Variants in ROR1 observed in about 807,000 individuals in gnomAD.
ROR1 encodes the protein ROR family WNT receptor 1.
ROR1 carries 19 observed loss-of-function variants against 78.8 expected under a neutral mutation model. That is an observed-to-expected ratio of 0.24 (90% CI 0.17 to 0.35). The LOEUF is 0.35. Ranked by LOEUF, ROR1 falls within the 10% of genes least tolerant of loss-of-function variation. The pLI, the probability that ROR1 is intolerant of heterozygous loss-of-function variation, is 1.00. For synonymous variants in ROR1, 386 were observed against 433.6 expected (o/e 0.89, Z 1.36); for missense variants, 917 against 1,177.8 (o/e 0.78, Z 3.24).
At chr1:63,840,007 A>G (rs1316857377) in intron 1 of ROR1, among the ~76,000 whole-genome samples, 1 of 152,162 alleles carries the variant, frequency 6.6e-6, no homozygotes, top group East Asian at 1.9e-4. Flanking sequence ...ATCTGAGAGG[A>G]GTATATATTA....
chr1:63,778,673 C>G (rs780818287), intron 1 of ROR1, among the ~76,000 whole-genome samples: 20 of 152,336 alleles, frequency 1.3e-4, no homozygotes, highest in Admixed American at 3.3e-4. Context: ...TACAATGGGC[C>G]AATCACTCTT....
At chr1:63,974,156 A>G (rs1646139683) in intron 1 of ROR1, among the ~76,000 whole-genome samples, 2 of 152,358 alleles carry the variant, frequency 1.3e-5, no homozygotes, top group South Asian at 4.1e-4. Flanking sequence ...GGAAAATTCA[A>G]GTTTGCAAAG....
At chr1:64,153,750 G>A (rs918254615) in intron 7 of ROR1, among the ~76,000 whole-genome samples, 3 of 152,038 alleles carry the variant, frequency 2.0e-5, no homozygotes, top group Admixed American at 6.6e-5. Flanking sequence ...CTGGGGGAAG[G>A]GGGGAAATGG....
rs371769627 is a variant in ROR1, at chr1:64,140,434, G to A, written c.928+8G>A. The stretch of plus-strand genomic sequence containing the variant: ...CAGATCCTATAAATAAAAGTAAGTG[G>A]TAGCCCCTGACCTTCTGTGCTCTTC... On this transcript the variant is annotated splice_region_variant and intron_variant, in intron 6 of 8. Transcript: ENST00000371079. 5 of 1,611,354 alleles carry A rather than the reference G, an allele frequency of 3.1e-6. No homozygotes were observed. Among genetic ancestry groups the A allele is most frequent in the Non-Finnish European group, 4.2e-6 (5 of 1,177,998 alleles).
intron 1 of ROR1, among the ~76,000 whole-genome samples, chr1:63,903,403 G>T (rs983820660): frequency 1.3e-5 from 2 of 151,122 alleles, no homozygotes; most frequent in Non-Finnish European, 2.9e-5. Flanking sequence ...ATATAGTTGG[G>T]TTCATTTATT....
At chr1:63,786,833 TCCAC>T (rs976701552) in intron 1 of ROR1, among the ~76,000 whole-genome samples, 5 of 152,058 alleles carry the variant, frequency 3.3e-5, no homozygotes, top group Non-Finnish European at 2.9e-5. Context: ...GAGGCGCAGC[TCCAC>T]CTGCCCGAGG....
chr1:64,059,920 C>T (rs1027593920), intron 4 of ROR1, among the ~76,000 whole-genome samples: 22 of 152,062 alleles, frequency 1.4e-4, no homozygotes, highest in Admixed American at 3.9e-4. Context: ...CTAGTTTTCA[C>T]GGTTACCACA....
In ROR1 at chr1:63,881,537, A is replaced by G. The variant is rs912237468; in HGVS notation, c.91+107029A>G. ...CAGGTGGAGAACATTCTTAAGCAGT[A>G]GTCAATTATTATTCTTGAATATTAA... On this transcript the variant is annotated intron_variant, in intron 1 of 8. Transcript: ENST00000371079. 2.4e-4 allele frequency among the ~76,000 whole-genome samples: 36 copies of G among 152,190 alleles called. 1 individual carries two copies. The highest frequency in any genetic ancestry group is 2.6e-4 in the Admixed American group (4 of 15,270).
intron 1 of ROR1, among the ~76,000 whole-genome samples, chr1:63,811,479 AC>A (rs1644859707): frequency 6.6e-6 from 1 of 152,140 alleles, no homozygotes; most frequent in Non-Finnish European, 1.5e-5. Flanking sequence ...CCAAGGAGAG[AC>A]TACTAGCCTG....
intron 4 of ROR1, among the ~76,000 whole-genome samples, chr1:64,128,408 G>T (rs557992357): frequency 1.3e-5 from 2 of 152,102 alleles, no homozygotes; most frequent in South Asian, 4.2e-4. Flanking sequence ...GTTTGAGGCT[G>T]CAGTGAGCTG....
In ROR1 at chr1:63,988,148, G is replaced by A. The variant is rs141744112; in HGVS notation, c.92-21157G>A. Among the ~76,000 whole-genome samples, 47 of 152,232 alleles carry A rather than the reference G, an allele frequency of 3.1e-4. No homozygotes were observed. In the East Asian group the frequency reaches 7.1e-3, roughly 23 times the overall value. On this transcript the variant is annotated intron_variant, in intron 1 of 8. Coordinates refer to ENST00000371079, the MANE Select transcript of ROR1 (RefSeq NM_005012.4). ...AAAATGGAACTGAAAATGGTTTTCT[G>A]GAAATGTGCTTTACAAACAATGAGA...
At chr1:63,987,851 C>T (rs1035552558) in intron 1 of ROR1, among the ~76,000 whole-genome samples, 5 of 152,106 alleles carry the variant, frequency 3.3e-5, no homozygotes, top group South Asian at 2.1e-4. Context: ...CATTAGTCAA[C>T]GTCAATGGAA....
At chr1:63,849,319 TTA>T (rs1334469064) in intron 1 of ROR1, among the ~76,000 whole-genome samples, 1 of 152,220 alleles carries the variant, frequency 6.6e-6, no homozygotes, top group Non-Finnish European at 1.5e-5. Context: ...TCTTCAGTAT[TTA>T]GCTTGTATTT....
chr1:63,991,085 TTTTG>T (rs936550195), intron 1 of ROR1, among the ~76,000 whole-genome samples: 27 of 129,454 alleles, frequency 2.1e-4, no homozygotes, highest in African/African-American at 6.6e-4. Flanking sequence ...TGCCAGGGTT[TTTTG>T]TTTGTTTGTT....
At chr1:63,830,265 A>G (rs553886657) in intron 1 of ROR1, among the ~76,000 whole-genome samples, 4 of 152,290 alleles carry the variant, frequency 2.6e-5, no homozygotes, top group African/African-American at 9.6e-5. Context: ...AATAGGGCAT[A>G]AGGTGGTGGA....
chr1:64,060,612 A>G (rs137905741), intron 4 of ROR1, among the ~76,000 whole-genome samples: 2 of 152,300 alleles, frequency 1.3e-5, no homozygotes, highest in Non-Finnish European at 2.9e-5. Context: ...ACGGCTACTC[A>G]AGCAGTTCAG....
chr1:63,981,660 A>G (rs1205883399), intron 1 of ROR1, among the ~76,000 whole-genome samples: 1 of 152,070 alleles, frequency 6.6e-6, no homozygotes, highest in Non-Finnish European at 1.5e-5. Context: ...CTGGGCTGGA[A>G]GGTTCAGCTG....
At position 63,774,328 on chromosome 1, in the gene ROR1, G is replaced by T; in HGVS notation, c.-90G>T. On this transcript the variant is annotated 5_prime_UTR_variant, in exon 1 of 9. Transcript: ENST00000371079. This position sits in a 1 kb window ranked among gnomAD's most constrained non-coding sequence, Gnocchi z 5.7. Reference sequence around the variant, plus strand: ...GCGTCCTGCGAGCGCCAGCGGCCGGGACGAGGCGGCCGGGAGCCCGGGAAG... The same window carrying T: ...GCGTCCTGCGAGCGCCAGCGGCCGGTACGAGGCGGCCGGGAGCCCGGGAAG... 2.4e-6 allele frequency: 2 copies of T among 822,768 alleles called. No individual in the cohort carries two copies. The highest frequency in any genetic ancestry group is 3.4e-6 in the Non-Finnish European group (2 of 591,774). The allele number at this position is 822,768 out of a possible 1,614,324, so 51.0% of individuals were successfully genotyped here.
At chr1:64,133,455 A>G (rs768641299) in intron 4 of ROR1, among the ~76,000 whole-genome samples, 4 of 152,174 alleles carry the variant, frequency 2.6e-5, no homozygotes, top group Non-Finnish European at 5.9e-5. Flanking sequence ...CTCTTCAAAT[A>G]TCCTTCATAA....
Sources: gnomAD v4.1 joint callset for allele counts (sites outside exome capture counted in the v4.1 genomes callset) on GRCh38, gnomAD v4.1.1 for gene constraint, Gnocchi (gnomAD v3.1) non-coding constraint, MANE v1.5 for transcripts, NCBI Gene and HGNC (gene_info 2026-07-23, HGNC 2026-07-21) for gene names.